The following MYO16 variants were observed in gnomAD, a reference collection of about 807,000 sequenced individuals.
The protein encoded by MYO16 is myosin XVI, also known as unconventional myosin-XVI.
MYO16 carries 94 observed loss-of-function variants against 205.3 expected under a neutral mutation model. The ratio of observed to expected loss-of-function variants is 0.46; its 90% CI spans 0.39 to 0.54. MYO16 has a LOEUF of 0.54. Among genes scored for constraint, MYO16 ranks in the 20% least tolerant of loss-of-function variants. The pLI is 0.00. For synonymous variants in MYO16, 988 were observed against 954.0 expected (o/e 1.04, Z -0.66); for missense variants, 2,315 against 2,387.5 (o/e 0.97, Z 0.63).
intron 23 of MYO16, among the ~76,000 whole-genome samples, chr13:109,043,319 T>C (rs1431211098): frequency 1.3e-5 from 2 of 152,056 alleles, no homozygotes; most frequent in Non-Finnish European, 2.9e-5. Context: ...GGAAGCACTA[T>C]CAAAAAACAA....
chr13:108,899,594 G>C (rs997072369), intron 15 of MYO16, among the ~76,000 whole-genome samples: 1 of 152,104 alleles, frequency 6.6e-6, no homozygotes, highest in Admixed American at 6.6e-5. Flanking sequence ...GAGAACTGTC[G>C]TGAGCCTCAA....
upstream of MYO16, among the ~76,000 whole-genome samples, chr13:108,591,852 G>T (rs899304375): frequency 6.6e-6 from 1 of 152,064 alleles, no homozygotes; most frequent in African/African-American, 2.4e-5. Flanking sequence ...TAACATGGCT[G>T]AGTGTAGAGA....
chr13:108,759,841 G>C (rs943610913), intron 4 of MYO16, among the ~76,000 whole-genome samples: 1 of 149,898 alleles, frequency 6.7e-6, no homozygotes, highest in African/African-American at 2.5e-5. Context: ...AAAAAAATCT[G>C]AATTCAATTT....
intron 10 of MYO16, among the ~76,000 whole-genome samples, chr13:108,852,754 A>G (rs1877950977): frequency 6.6e-6 from 1 of 152,158 alleles, no homozygotes; most frequent in Non-Finnish European, 1.5e-5. Flanking sequence ...AATGAGGCAC[A>G]CTTAGCTGCA....
chr13:108,785,645 A>G lies in MYO16; in HGVS notation c.518A>G (p.Asn173Ser), dbSNP rs1313468386. The G allele has an allele frequency of 1.2e-6, 2 of 1,608,292 alleles. No homozygotes were observed. Among genetic ancestry groups the G allele is most frequent in the African/African-American group, 2.7e-5 (2 of 74,716 alleles). The stretch of plus-strand genomic sequence containing the variant: ...TTTCTTTTTATCTAGGCTGGAGCCA[A>G]TGTCCTTCTCCAGGATGTGAATGGA... ...IVLLLVLAGA[N>S]VLLQDVNGNI... Residue 173 changes from asparagine (N) to serine (S), a missense_variant, in exon 5 of 35, where the codon AAT (asparagine) becomes AGT (serine). Physicochemically the swap from Asn to Ser is conservative, Grantham distance 46 (BLOSUM62 1). Transcript: ENST00000457511.
intron 23 of MYO16, among the ~76,000 whole-genome samples, 196 bp downstream of exon 23, chr13:109,020,107 A>G (rs1885971762): frequency 6.6e-6 from 1 of 152,170 alleles, no homozygotes; most frequent in Admixed American, 6.5e-5. Flanking sequence ...ATGATGACGC[A>G]CACTGTGTGG....
At chr13:108,902,881 T>G (rs1594383061) in intron 15 of MYO16, among the ~76,000 whole-genome samples, 1 of 152,218 alleles carries the variant, frequency 6.6e-6, no homozygotes, top group Non-Finnish European at 1.5e-5. Flanking sequence ...CCAAAAATTT[T>G]AAATAGAAAA....
chr13:108,955,108 C>T (rs75499600), intron 16 of MYO16, among the ~76,000 whole-genome samples: 6,284 of 152,274 alleles, frequency 0.041, 131 homozygotes, highest in Non-Finnish European at 0.048. Context: ...AAACCAAAGC[C>T]ACAACCATTG....
chr13:108,630,457 G>A (rs16972815), intron 1 of MYO16, among the ~76,000 whole-genome samples: 2 of 152,150 alleles, frequency 1.3e-5, no homozygotes, highest in African/African-American at 2.4e-5. Flanking sequence ...TTTGTCACCA[G>A]GTTCTCTTTT....
chr13:109,117,462 G>GTATA lies in MYO16; in HGVS notation c.3439-2907_3439-2906insATAT, dbSNP rs1393965729. 1.2e-3 allele frequency among the ~76,000 whole-genome samples: 172 copies of GTATA among 146,132 alleles called. 1 individual carries two copies. The highest frequency in any genetic ancestry group is 4.2e-3 in the African/African-American group (167 of 40,096). On this transcript the variant is annotated intron_variant, in intron 28 of 34. Transcript: ENST00000457511. The stretch of plus-strand genomic sequence containing the variant: ...TGTATATATATGTATATATATGTAT[G>GTATA]TGTATATATGTATGTATATGTATAT...
chr13:108,821,223 A>T (rs432568), intron 8 of MYO16, among the ~76,000 whole-genome samples: 1 of 152,036 alleles, frequency 6.6e-6, no homozygotes, highest in Non-Finnish European at 1.5e-5. Flanking sequence ...TTGTCATTTG[A>T]TATACTTTCA....
rs184805988 is a variant in MYO16, at chr13:109,197,735, A to C, written c.5416-8874A>C. 3.3e-5 allele frequency among the ~76,000 whole-genome samples: 5 copies of C among 152,352 alleles called. No individual in the cohort carries two copies. The East Asian group carries it at 9.6e-4, about 29-fold the overall frequency. On this transcript the variant is annotated intron_variant, in intron 34 of 34. Transcript: ENST00000457511. ...TACAATGTTAATTAAATGTATAGAC[A>C]TACAGTGTTACAAATAATCTCTTTA... is the stretch of plus-strand genomic sequence containing the variant.
Position 108,912,489 on chromosome 13 carries a change from A to G in MYO16, c.1925+2339A>G, listed in dbSNP as rs1881312390. Among the ~76,000 whole-genome samples, 3 of 152,178 alleles carry G rather than the reference A, an allele frequency of 2.0e-5. No homozygotes were observed. In the South Asian group the frequency reaches 6.2e-4, roughly 31 times the overall value. On this transcript the variant is annotated intron_variant, in intron 16 of 34. Transcript: ENST00000457511. ...TATAAAAATTCCAAGCTTCTAGGAC[A>G]TTAGAAATATTTTAAATCAAATCCC...
chr13:108,632,460 G>A (rs926289149), intron 1 of MYO16, among the ~76,000 whole-genome samples: 2 of 152,112 alleles, frequency 1.3e-5, no homozygotes, highest in African/African-American at 4.8e-5. Flanking sequence ...GTGGGATGCT[G>A]GGTGACCAAT....
the MYO16 span, among the ~76,000 whole-genome samples, chr13:108,500,831 T>G: frequency 1.3e-5 from 2 of 152,150 alleles, no homozygotes; most frequent in Non-Finnish European, 2.9e-5. Context: ...AATGATTTTC[T>G]ATCATCTGCA....
chr13:108,700,650 A>T (rs187115475), intron 2 of MYO16, among the ~76,000 whole-genome samples: 3 of 152,210 alleles, frequency 2.0e-5, no homozygotes, highest in Non-Finnish European at 2.9e-5. Context: ...AGTGACTCAG[A>T]AAAAGCTCAC....
chr13:109,060,626 A>G (rs768246617), intron 27 of MYO16, among the ~76,000 whole-genome samples: 9 of 152,176 alleles, frequency 5.9e-5, no homozygotes, highest in Non-Finnish European at 1.0e-4. Context: ...TATTCTGCAC[A>G]TGTATCCCAG....
chr13:108,963,259 G>A (rs968518635), intron 19 of MYO16, among the ~76,000 whole-genome samples: 2 of 151,948 alleles, frequency 1.3e-5, no homozygotes, highest in East Asian at 3.9e-4. Context: ...TTTCTCTATG[G>A]CCTTTTGGGC....
intron 9 of MYO16, among the ~76,000 whole-genome samples, chr13:108,830,348 C>G (rs370745485): frequency 8.3e-5 from 11 of 132,798 alleles, no homozygotes; most frequent in African/African-American, 3.0e-4. Context: ...TAGCAAAGAC[C>G]TGGAACCAAC....
Sources: allele counts gnomAD v4.1 joint callset (sites outside exome capture counted in the v4.1 genomes callset), GRCh38; gene constraint gnomAD v4.1.1; transcripts MANE v1.5; gene names NCBI Gene and HGNC (gene_info 2026-07-23, HGNC 2026-07-21).